The following INSYN2A variants were observed in gnomAD, a reference collection of about 807,000 sequenced individuals.
The protein encoded by INSYN2A is inhibitory synaptic factor 2A.
A neutral mutation model predicts 39.4 loss-of-function variants in INSYN2A; 17 were observed. The ratio of observed to expected loss-of-function variants is 0.43; its 90% CI spans 0.30 to 0.65. The LOEUF (loss-of-function observed/expected upper bound fraction) is 0.65, where lower values mean the gene tolerates loss of function less well. Among genes scored for constraint, INSYN2A ranks in the 30% least tolerant of loss-of-function variants. The pLI, the probability that INSYN2A is intolerant of heterozygous loss-of-function variation, is 0.14. For missense variants in INSYN2A, 595 were observed against 631.2 expected (o/e 0.94, Z 0.61); for synonymous variants, 255 against 265.7 (o/e 0.96, Z 0.39).
intron 2 of INSYN2A, among the ~76,000 whole-genome samples, chr10:127,178,873 GCACACAAGA>G (rs929950709): frequency 4.6e-5 from 7 of 152,186 alleles, no homozygotes; most frequent in Non-Finnish European, 1.0e-4. Context: ...TTAAACAGAT[GCACACAAGA>G]CAGCTTGGTG....
chr10:127,175,591 C>T lies in INSYN2A; in HGVS notation c.805G>A (p.Gly269Ser), dbSNP rs1330724929. 1 of 1,612,436 alleles carries T rather than the reference C, an allele frequency of 6.2e-7. No homozygotes were observed. Among genetic ancestry groups the T allele is most frequent in the African/African-American group, 1.3e-5 (1 of 74,926 alleles). Residue 269 changes from glycine to serine, a missense_variant, in exon 4 of 6, where the codon GGT becomes AGT. Physicochemically the swap from Gly to Ser is moderately conservative, Grantham distance 56. Coordinates refer to ENST00000522781, the MANE Select transcript of INSYN2A (RefSeq NM_001039762.3). The surrounding 1 kb of genome is among the most constrained non-coding windows in gnomAD (Gnocchi z 6.3). ...PALSARAPEP[G>S]LSDSAAASQW... ...CTGGCGGCTGCAGAGTCTGACAAACCAGGCTCGGGGGCCCTGGCACTGAGG... is the reference window on the plus strand; with the variant it reads ...CTGGCGGCTGCAGAGTCTGACAAACTAGGCTCGGGGGCCCTGGCACTGAGG...
chr10:127,164,801 G>A (rs2053934394), intron 4 of INSYN2A, among the ~76,000 whole-genome samples: 1 of 152,062 alleles, frequency 6.6e-6, no homozygotes, highest in Admixed American at 6.6e-5. Flanking sequence ...TATAAACAGG[G>A]CAAAGCTTAC....
At position 127,176,022 on chromosome 10, in the gene INSYN2A, C is replaced by T. The variant is rs1440300081; in HGVS notation, c.374G>A (p.Gly125Glu). The change falls in exon 4 of 6, where the codon GGG becomes GAG. Residue 125 changes from glycine (G) to glutamate (E), a missense_variant. Coordinates refer to ENST00000522781, the MANE Select transcript of INSYN2A (RefSeq NM_001039762.3). This position sits in a 1 kb window ranked among gnomAD's most constrained non-coding sequence, Gnocchi z 4.4. ...YQTFPLDRKKGNLKSLPAADP... is the reference protein window; with the variant it reads ...YQTFPLDRKKENLKSLPAADP... The stretch of plus-strand genomic sequence containing the variant: ...TGCAGCTGGGAGGCTTTTGAGGTTC[C>T]CCTTTTTGCGGTCCAGAGGGAACGT... 1.9e-6 allele frequency: 3 copies of T among 1,614,042 alleles called. No homozygotes were observed. The highest frequency in any genetic ancestry group is 2.5e-6 in the Non-Finnish European group (3 of 1,180,050).
chr10:127,175,948 TCTC>T lies in INSYN2A; in HGVS notation c.445_447del (p.Glu149del). 1 of 1,614,196 alleles carries T rather than the reference TCTC, an allele frequency of 6.2e-7. No homozygotes were observed. The highest frequency in any genetic ancestry group is 8.5e-7 in the Non-Finnish European group (1 of 1,180,038). ...TCCTCCATGGGTCCAGCCTCGTTCT[TCTC>T]TTTCGCATCTGTTAGAAACCCATTG... On this transcript the variant is annotated inframe_deletion, in exon 4 of 6. Transcript: ENST00000522781. The surrounding 1 kb of genome is among the most constrained non-coding windows in gnomAD (Gnocchi z 6.3).
intron 4 of INSYN2A, among the ~76,000 whole-genome samples, chr10:127,159,317 C>T (rs553579162): frequency 6.6e-6 from 1 of 152,252 alleles, no homozygotes; most frequent in East Asian, 1.9e-4. Flanking sequence ...AGGGCTACCT[C>T]TCTGTAATGG....
Position 127,142,486 on chromosome 10 carries a change from A to G in INSYN2A, c.1257-4466T>C, listed in dbSNP as rs150206003. Among the ~76,000 whole-genome samples the G allele has an allele frequency of 1.6e-3, 251 of 152,266 alleles. 1 individual carries two copies. The highest frequency in any genetic ancestry group is 5.8e-3 in the African/African-American group (243 of 41,560). ...TCCTGGGGAGGAGCAGCAGCCTGGA[A>G]AAAGTCCTGATTCTTGAGATTCAAA... On this transcript the variant is annotated intron_variant, in intron 5 of 5. Transcript: ENST00000522781.
chr10:127,183,916 C>G (rs1179913949), intron 2 of INSYN2A, among the ~76,000 whole-genome samples: 1 of 152,184 alleles, frequency 6.6e-6, no homozygotes, highest in East Asian at 1.9e-4. Context: ...TCTGTCTTCT[C>G]TGTGCATGAT....
chr10:127,178,966 C>T (rs1350473150), intron 2 of INSYN2A, among the ~76,000 whole-genome samples: 1 of 152,176 alleles, frequency 6.6e-6, no homozygotes, highest in African/African-American at 2.4e-5. Flanking sequence ...ATCTCCTATT[C>T]ATTCTTTAAC....
intron 2 of INSYN2A, among the ~76,000 whole-genome samples, chr10:127,188,619 G>A (rs1263941707): frequency 2.6e-5 from 4 of 152,152 alleles, no homozygotes; most frequent in African/African-American, 4.8e-5. Flanking sequence ...ATTTCTGGCC[G>A]TAGTCCTTAC....
rs977035276 is a variant in INSYN2A at position 127,140,381 on chromosome 10, G to A, written c.1257-2361C>T. On this transcript the variant is annotated intron_variant, in intron 5 of 5. Transcript: ENST00000522781. ...AACCAGAGGCAGGTTCCTTGGTAGA[G>A]GGCACTTATGAGTCTGTGAGTGCCC... Among the ~76,000 whole-genome samples the A allele has an allele frequency of 5.9e-4, 90 of 152,288 alleles. 1 individual carries two copies. Among genetic ancestry groups the A allele is most frequent in the Middle Eastern group, 3.4e-3 (1 of 294 alleles).
At chr10:127,139,827 A>G (rs554987784) in intron 5 of INSYN2A, among the ~76,000 whole-genome samples, 3 of 152,210 alleles carry the variant, frequency 2.0e-5, no homozygotes, top group Non-Finnish European at 4.4e-5. Flanking sequence ...AAAAATGCCC[A>G]TGAACGAGCC....
intron 4 of INSYN2A, among the ~76,000 whole-genome samples, chr10:127,154,412 GA>G (rs1564847247): frequency 6.6e-6 from 1 of 151,918 alleles, no homozygotes; most frequent in African/African-American, 2.4e-5. Context: ...TTAAGCACTT[GA>G]AAAAAAATTG....
intron 4 of INSYN2A, among the ~76,000 whole-genome samples, chr10:127,163,406 G>A (rs2053766023): frequency 6.6e-6 from 1 of 152,098 alleles, no homozygotes; most frequent in South Asian, 2.1e-4. Context: ...TCCACGAGAA[G>A]GTCAACACAA....
Position 127,177,072 on chromosome 10 carries a change from C to G in INSYN2A, c.-201G>C, listed in dbSNP as rs1388202197. On this transcript the variant is annotated 5_prime_UTR_variant, in exon 3 of 6. Coordinates refer to ENST00000522781, the MANE Select transcript of INSYN2A (RefSeq NM_001039762.3). The stretch of plus-strand genomic sequence containing the variant: ...TCAGCTCTAAAAGGAACGTGGGTTT[C>G]CCTGCATCTACAAAGGCCATGTTTG... 6.6e-6 allele frequency: 1 copy of G among 151,988 alleles called. No homozygotes were observed. Among genetic ancestry groups the G allele is most frequent in the East Asian group, 1.9e-4 (1 of 5,178 alleles). The allele number at this position is 151,988 out of a possible 1,614,324, so 9.4% of individuals were successfully genotyped here. A position where few individuals can be genotyped will look rare whatever the true frequency, so the allele number is the denominator to read the frequency against.
At chr10:127,156,525 C>A (rs79556616) in intron 4 of INSYN2A, among the ~76,000 whole-genome samples, 1 of 141,488 alleles carries the variant, frequency 7.1e-6, no homozygotes, top group East Asian at 2.1e-4. Flanking sequence ...CTTTACTTTT[C>A]TTTTCTCTTT....
At chr10:127,179,077 G>A (rs891148927) in intron 2 of INSYN2A, among the ~76,000 whole-genome samples, 1 of 152,176 alleles carries the variant, frequency 6.6e-6, no homozygotes, top group Non-Finnish European at 1.5e-5. Context: ...TTTACAAAAA[G>A]CAATTTACTA....
intron 2 of INSYN2A, among the ~76,000 whole-genome samples, chr10:127,182,060 T>C (rs1281825780): frequency 6.6e-6 from 1 of 152,096 alleles, no homozygotes; most frequent in Non-Finnish European, 1.5e-5. Flanking sequence ...GAGCAATGCG[T>C]GAGGAACTGT....
At chr10:127,174,609 G>A (rs1308951967) in intron 4 of INSYN2A, among the ~76,000 whole-genome samples, 2 of 152,202 alleles carry the variant, frequency 1.3e-5, no homozygotes, top group African/African-American at 4.8e-5. Flanking sequence ...AAGGGCATCT[G>A]TCTCCTAATC....
At chr10:127,178,772 G>T (rs1445457838) in intron 2 of INSYN2A, among the ~76,000 whole-genome samples, 1 of 152,152 alleles carries the variant, frequency 6.6e-6, no homozygotes. Flanking sequence ...GGCCCCGTTT[G>T]GGATGGCTAG....
Sources: allele counts gnomAD v4.1 joint callset (sites outside exome capture counted in the v4.1 genomes callset), GRCh38; gene constraint gnomAD v4.1.1; non-coding constraint Gnocchi (gnomAD v3.1); transcripts MANE v1.5; gene names NCBI Gene and HGNC (gene_info 2026-07-23, HGNC 2026-07-21).